SLC16A10: variants seen among roughly 807,000 people sequenced by gnomAD.
SLC16A10 encodes the protein solute carrier family 16 member 10.
In SLC16A10, 27 loss-of-function variants were observed where a neutral mutation model predicts 40.0. The observed-to-expected ratio is 0.67, with a 90% confidence interval of 0.50 to 0.93. The LOEUF is 0.93. SLC16A10 is among the 40% of genes least tolerant of loss of function. The pLI is 0.00. For synonymous variants in SLC16A10, 213 were observed against 249.8 expected (o/e 0.85, Z 1.39); for missense variants, 529 against 658.2 (o/e 0.80, Z 2.15).
intron 1 of SLC16A10, among the ~76,000 whole-genome samples, chr6:111,098,465 T>C (rs930125038): frequency 6.6e-6 from 1 of 152,202 alleles, no homozygotes; most frequent in Non-Finnish European, 1.5e-5. Context: ...GTATCAGCAG[T>C]GTTCTGCCTG....
chr6:111,183,823 G>A (rs999505471), intron 3 of SLC16A10, among the ~76,000 whole-genome samples: 3 of 152,154 alleles, frequency 2.0e-5, no homozygotes, highest in Admixed American at 2.0e-4. Flanking sequence ...TGTGTCTTCA[G>A]TACCCACTGA....
chr6:111,118,679 CA>C (rs74273023), intron 1 of SLC16A10, among the ~76,000 whole-genome samples: 7,707 of 66,512 alleles, frequency 0.12, 114 homozygotes, highest in African/African-American at 0.15. Context: ...GCCTCCGTCT[CA>C]AAAAAAAAAA....
intron 1 of SLC16A10, among the ~76,000 whole-genome samples, chr6:111,139,201 T>C (rs2114500090): frequency 6.6e-6 from 1 of 151,658 alleles, no homozygotes; most frequent in African/African-American, 2.4e-5. Context: ...GAAACAATGC[T>C]CCATCCATGT....
intron 2 of SLC16A10, among the ~76,000 whole-genome samples, chr6:111,175,432 C>T (rs1042001120): frequency 2.6e-5 from 4 of 152,076 alleles, no homozygotes; most frequent in African/African-American, 9.7e-5. Flanking sequence ...ACTGATGTTC[C>T]TGATGATTCT....
chr6:111,164,186 C>T (rs1772429358), intron 1 of SLC16A10, among the ~76,000 whole-genome samples: 1 of 149,548 alleles, frequency 6.7e-6, no homozygotes, highest in African/African-American at 2.6e-5. Flanking sequence ...TTATTTAATC[C>T]TCTAAACTAG....
At chr6:111,218,154 T>A (rs1165318552) in intron 4 of SLC16A10, among the ~76,000 whole-genome samples, 1 of 152,240 alleles carries the variant, frequency 6.6e-6, no homozygotes, top group African/African-American at 2.4e-5. Flanking sequence ...TTAATGAATT[T>A]GAGCTGATTG....
Position 111,218,816 on chromosome 6 carries a change from A to G in SLC16A10, c.1089A>G (p.Val363=), listed in dbSNP as rs1770831268. 4 of 1,612,938 alleles carry G rather than the reference A, an allele frequency of 2.5e-6. No homozygotes were observed. The highest frequency in any genetic ancestry group is 3.4e-6 in the Non-Finnish European group (4 of 1,179,674). ...TGACCTTGTGGTGTCCGTCCTAGGT[A>G]CTCTCCTTTTTCTTCATTGGTCTGA... ...VPGVKKVYLQ[V]LSFFFIGLMS... The change falls in exon 5 of 6, where the codon GTA becomes GTG. Residue 363 remains valine, a splice_region_variant and synonymous_variant. Coordinates refer to ENST00000368851, the MANE Select transcript of SLC16A10 (RefSeq NM_018593.5).
chr6:111,146,711 T>C (rs1006147973), intron 1 of SLC16A10, among the ~76,000 whole-genome samples: 2 of 151,564 alleles, frequency 1.3e-5, no homozygotes, highest in Non-Finnish European at 2.9e-5. Flanking sequence ...CACTCCAGCC[T>C]GGGCAACAGA....
intron 3 of SLC16A10, among the ~76,000 whole-genome samples, chr6:111,189,074 A>G (rs1010869592): frequency 7.2e-5 from 11 of 152,212 alleles, no homozygotes; most frequent in African/African-American, 2.7e-4. Context: ...ATTGTGTGCC[A>G]TAGACATTCT....
At chr6:111,099,900 G>A (rs184758201) in intron 1 of SLC16A10, among the ~76,000 whole-genome samples, 2 of 151,556 alleles carry the variant, frequency 1.3e-5, no homozygotes, top group Admixed American at 6.6e-5. Context: ...GCAGGCACCT[G>A]TAGTCCCAGC....
intron 2 of SLC16A10, among the ~76,000 whole-genome samples, chr6:111,173,123 C>T (rs1002538539): frequency 6.6e-6 from 1 of 152,064 alleles, no homozygotes; most frequent in Non-Finnish European, 1.5e-5. Context: ...CTTCTATTCA[C>T]ATAAAAATCC....
chr6:111,105,365 TTA>T (rs1476552324), intron 1 of SLC16A10, among the ~76,000 whole-genome samples: 4 of 152,188 alleles, frequency 2.6e-5, no homozygotes, highest in Admixed American at 2.6e-4. Context: ...ATTCTACTCT[TTA>T]AAAGAGTTAT....
chr6:111,182,797 G>T (rs1158535243), intron 3 of SLC16A10, among the ~76,000 whole-genome samples: 3 of 152,084 alleles, frequency 2.0e-5, no homozygotes, highest in Non-Finnish European at 4.4e-5. Context: ...CAAAACTTTG[G>T]AGTCATCCTT....
chr6:111,151,816 CTGA>C (rs1385336410), intron 1 of SLC16A10, among the ~76,000 whole-genome samples: 1 of 152,166 alleles, frequency 6.6e-6, no homozygotes, highest in Non-Finnish European at 1.5e-5. Flanking sequence ...CATCCTTTGC[CTGA>C]TGAACGCCTA....
intron 1 of SLC16A10, among the ~76,000 whole-genome samples, chr6:111,138,277 G>A (rs1028538206): frequency 1.3e-5 from 2 of 152,206 alleles, no homozygotes; most frequent in Non-Finnish European, 2.9e-5. Flanking sequence ...TAGGATGGCA[G>A]GCATGTGTTT....
intron 1 of SLC16A10, among the ~76,000 whole-genome samples, chr6:111,134,735 C>T (rs1771846979): frequency 6.6e-6 from 1 of 152,086 alleles, no homozygotes; most frequent in Non-Finnish European, 1.5e-5. Flanking sequence ...TGTCCATGCC[C>T]CTTATATCAA....
chr6:111,198,968 A>G (rs114968090), intron 3 of SLC16A10, among the ~76,000 whole-genome samples: 135 of 152,312 alleles, frequency 8.9e-4, no homozygotes, highest in African/African-American at 3.1e-3. Context: ...TATATCTTCA[A>G]AGTGCTCTAC....
rs1770957901 is a variant in SLC16A10, at chr6:111,224,610, ACT to A, written c.*2378_*2379del. On this transcript the variant is annotated 3_prime_UTR_variant, in exon 6 of 6. Coordinates refer to ENST00000368851, the MANE Select transcript of SLC16A10 (RefSeq NM_018593.5). ...ATTGTAATAGACTCATACGGAGAAT[ACT>A]CTGCTATAATAATATAAAATTAAGA... 1 of 152,210 alleles carries A rather than the reference ACT, an allele frequency of 6.6e-6. No homozygotes were observed. The highest frequency in any genetic ancestry group is 2.4e-5 in the African/African-American group (1 of 41,448). The allele number at this position is 152,210 out of a possible 1,614,324, so 9.4% of individuals were successfully genotyped here.
At chr6:111,193,331 G>A (rs1229380433) in intron 3 of SLC16A10, 1 of 985,560 alleles carries the variant, frequency 1.0e-6, no homozygotes, top group Non-Finnish European at 1.2e-6. Context: ...TCAGGTTAGT[G>A]ACAATTTGCC....
Sources: allele counts gnomAD v4.1 joint callset (sites outside exome capture counted in the v4.1 genomes callset), GRCh38; gene constraint gnomAD v4.1.1; transcripts MANE v1.5; gene names NCBI Gene and HGNC (gene_info 2026-07-23, HGNC 2026-07-21).